Variants in EYA1 observed in about 807,000 individuals in gnomAD.
The protein encoded by EYA1 is EYA transcriptional coactivator and phosphatase 1.
In EYA1, 16 loss-of-function variants were observed where a neutral mutation model predicts 82.0. The ratio of observed to expected loss-of-function variants is 0.20; its 90% CI spans 0.13 to 0.30. EYA1 has a LOEUF of 0.30. Among genes scored for constraint, EYA1 ranks in the 10% least tolerant of loss-of-function variants. EYA1 has a pLI of 1.00. For missense variants in EYA1, 633 were observed against 730.7 expected (o/e 0.87, Z 1.54); for synonymous variants, 261 against 264.4 (o/e 0.99, Z 0.12).
At chr8:71,376,872 C>A (rs1828403985) in intron 2 of EYA1, among the ~76,000 whole-genome samples, 1 of 152,092 alleles carries the variant, frequency 6.6e-6, no homozygotes, top group African/African-American at 2.4e-5. Context: ...CTAGCCGAAG[C>A]TCCCGCTGCC....
chr8:71,420,531 A>C (rs1831091212), intron 2 of EYA1, among the ~76,000 whole-genome samples: 1 of 152,216 alleles, frequency 6.6e-6, no homozygotes, highest in Admixed American at 6.5e-5. Context: ...TTTATCTATT[A>C]CTAAAATGAA....
At chr8:71,406,317 A>C (rs549336909) in intron 2 of EYA1, among the ~76,000 whole-genome samples, 4 of 152,352 alleles carry the variant, frequency 2.6e-5, no homozygotes, top group African/African-American at 9.6e-5. Context: ...CATTACAGAA[A>C]TGAGAATTAA....
intron 2 of EYA1, among the ~76,000 whole-genome samples, chr8:71,458,051 A>T (rs907746058): frequency 2.0e-5 from 3 of 152,146 alleles, no homozygotes; most frequent in South Asian, 4.1e-4. Context: ...GAGAGCGAAT[A>T]TCTTGTTCTG....
chr8:71,319,334 G>C (rs1485257971), intron 6 of EYA1, among the ~76,000 whole-genome samples: 1 of 152,008 alleles, frequency 6.6e-6, no homozygotes, highest in Non-Finnish European at 1.5e-5. Context: ...GTTTCACCGT[G>C]TTAGCCAGGA....
chr8:71,239,943 T>A (rs2128895834), intron 12 of EYA1, among the ~76,000 whole-genome samples: 1 of 152,362 alleles, frequency 6.6e-6, no homozygotes, highest in South Asian at 2.1e-4. Context: ...TACCAAGTGC[T>A]TTACTTGAAA....
chr8:71,404,601 C>T (rs11782216), intron 2 of EYA1: 18,819 of 152,066 alleles, frequency 0.12, 1,572 homozygotes, highest in East Asian at 0.35. Flanking sequence ...GTACAGGAAG[C>T]GATAATCAAA....
At position 71,304,416 on chromosome 8, in the gene EYA1, C is replaced by T. The variant is rs1395366959; in HGVS notation, c.557-4696G>A. On this transcript the variant is annotated intron_variant, in intron 7 of 17. Coordinates refer to ENST00000340726, the MANE Select transcript of EYA1 (RefSeq NM_000503.6). ...CATCTCAGAATGGCAAGGTTTTTGT[C>T]TGTGAGTTATTTCCCTTTTTTATGA... Among the ~76,000 whole-genome samples, 2 of 142,696 alleles carry T rather than the reference C, an allele frequency of 1.4e-5. 1 individual carries two copies. Among genetic ancestry groups the T allele is most frequent in the East Asian group, 4.1e-4 (2 of 4,850 alleles). 93.6% of individuals were successfully genotyped at this position (142,696 alleles called of 152,430 possible). A position where few individuals can be genotyped will look rare whatever the true frequency, so the allele number is the denominator to read the frequency against.
intron 2 of EYA1, among the ~76,000 whole-genome samples, chr8:71,406,024 A>G (rs1830199597): frequency 6.6e-6 from 1 of 152,192 alleles, no homozygotes; most frequent in Non-Finnish European, 1.5e-5. Context: ...ACTTTACAGG[A>G]GAAACAACTC....
intron 2 of EYA1, among the ~76,000 whole-genome samples, chr8:71,419,884 C>T (rs1831052401): frequency 6.6e-6 from 1 of 152,020 alleles, no homozygotes; most frequent in African/African-American, 2.4e-5. Flanking sequence ...AAGTCTAGAA[C>T]ATTAGAATAT....
chr8:71,318,597 T>C (rs1046832988), intron 6 of EYA1, among the ~76,000 whole-genome samples: 3 of 152,180 alleles, frequency 2.0e-5, no homozygotes, highest in Non-Finnish European at 2.9e-5. Context: ...CAGTCATACA[T>C]GTTAACAACT....
chr8:71,377,298 G>A (rs985222710), intron 2 of EYA1, among the ~76,000 whole-genome samples: 1 of 152,092 alleles, frequency 6.6e-6, no homozygotes, highest in Non-Finnish European at 1.5e-5. Flanking sequence ...ATATGAAAGT[G>A]AAGCCATATT....
chr8:71,207,190 T>A (rs557156435), intron 17 of EYA1, among the ~76,000 whole-genome samples: 2 of 152,358 alleles, frequency 1.3e-5, no homozygotes, highest in South Asian at 4.1e-4. Flanking sequence ...TCCTCCTAAA[T>A]TATTTCCCAT....
intron 1 of EYA1, among the ~76,000 whole-genome samples, chr8:71,359,557 C>A (rs781515986): frequency 2.8e-4 from 42 of 152,082 alleles, no homozygotes; most frequent in Non-Finnish European, 4.4e-4. Flanking sequence ...GACAGAAGAT[C>A]ATGCATGAAG....
intron 2 of EYA1, among the ~76,000 whole-genome samples, chr8:71,506,105 T>A (rs761818510): frequency 6.6e-6 from 1 of 152,186 alleles, no homozygotes; most frequent in East Asian, 1.9e-4. Context: ...CTTTCCTTTA[T>A]AAATTACCCA....
chr8:71,388,442 C>T (rs564328600), intron 2 of EYA1, among the ~76,000 whole-genome samples: 6 of 152,212 alleles, frequency 3.9e-5, no homozygotes, highest in African/African-American at 1.4e-4. Flanking sequence ...TGAGGGTGAC[C>T]AGAGTTTTTC....
chr8:71,482,894 G>A (rs1810276859), intron 2 of EYA1, among the ~76,000 whole-genome samples: 1 of 152,112 alleles, frequency 6.6e-6, no homozygotes, highest in Non-Finnish European at 1.5e-5. Context: ...AAAGAGAGGG[G>A]GTACAATGGA....
At chr8:71,272,017 C>A (rs972460068) in intron 9 of EYA1, 120 bp from the exon 10 acceptor site, 4 of 1,033,028 alleles carry the variant, frequency 3.9e-6, no homozygotes, top group Admixed American at 3.4e-5. Flanking sequence ...CTGCTGAAAT[C>A]CTACATCGTC....
chr8:71,249,986 C>A (rs936010054), intron 11 of EYA1, among the ~76,000 whole-genome samples: 2 of 152,042 alleles, frequency 1.3e-5, no homozygotes, highest in African/African-American at 4.8e-5. Context: ...GTCACTCGGA[C>A]CATAAATTTC....
At chr8:71,497,731 A>G (rs570297197) in intron 2 of EYA1, among the ~76,000 whole-genome samples, 8 of 152,322 alleles carry the variant, frequency 5.3e-5, no homozygotes, top group Non-Finnish European at 1.0e-4. Flanking sequence ...TTACCCAAAG[A>G]AAATCAGTAT....
Sources: allele counts gnomAD v4.1 joint callset (sites outside exome capture counted in the v4.1 genomes callset), GRCh38; gene constraint gnomAD v4.1.1; transcripts MANE v1.5; gene names NCBI Gene and HGNC (gene_info 2026-07-23, HGNC 2026-07-21).